Variants in DCAF5 observed in about 807,000 individuals in gnomAD.
The protein encoded by DCAF5 is DDB1 and CUL4 associated factor 5.
In DCAF5, 9 loss-of-function variants were observed where a neutral mutation model predicts 80.7. That is an observed-to-expected ratio of 0.11 (90% CI 0.07 to 0.19). The LOEUF (loss-of-function observed/expected upper bound fraction) is 0.19. Ranked by LOEUF, DCAF5 falls within the 10% of genes least tolerant of loss-of-function variation. The pLI, the probability that DCAF5 is intolerant of heterozygous loss-of-function variation, is 1.00. For synonymous variants in DCAF5, 433 were observed against 461.9 expected, an observed-to-expected ratio of 0.94 and a Z score of 0.80; for missense variants, 842 against 1,205.7, an observed-to-expected ratio of 0.70 and a Z score of 4.47.
chr14:69,085,865 A>G (rs2039296954), intron 6 of DCAF5, among the ~76,000 whole-genome samples: 1 of 152,240 alleles, frequency 6.6e-6, no homozygotes, highest in Non-Finnish European at 1.5e-5. Flanking sequence ...CTTCCTCACC[A>G]GACCATATCA....
intron 5 of DCAF5, among the ~76,000 whole-genome samples, chr14:69,108,545 T>C (rs975055742): frequency 6.6e-6 from 1 of 152,082 alleles, no homozygotes; most frequent in African/African-American, 2.4e-5. Context: ...AAGATGTTTA[T>C]GGCAGAGGGA....
chr14:69,119,375 T>C, intron 2 of DCAF5, 145 bp from the exon 3 acceptor site: 1 of 746,554 alleles, frequency 1.3e-6, no homozygotes, highest in Non-Finnish European at 2.1e-6. Flanking sequence ...GGAAAAAAGA[T>C]TTATAGAAAT....
At chr14:69,141,629 T>C (rs1056067794) in intron 1 of DCAF5, among the ~76,000 whole-genome samples, 1 of 152,114 alleles carries the variant, frequency 6.6e-6, no homozygotes, top group African/African-American at 2.4e-5. Context: ...TGGTCCCAAG[T>C]AAATCAGGAT....
chr14:69,082,628 G>A (rs548340109), intron 6 of DCAF5, among the ~76,000 whole-genome samples: 4 of 152,304 alleles, frequency 2.6e-5, no homozygotes, highest in South Asian at 2.1e-4. Context: ...AGCAAGATGA[G>A]GGGCCATTAA....
intron 1 of DCAF5, chr14:69,143,934 C>T (rs1049686726): frequency 3.9e-5 from 6 of 152,212 alleles, no homozygotes; most frequent in African/African-American, 7.2e-5. Context: ...GTTGTAAGCA[C>T]CACTGCATTC....
At chr14:69,116,524 A>T in intron 4 of DCAF5, 29 bp from the exon 5 acceptor site, 1 of 1,600,720 alleles carries the variant, frequency 6.2e-7, no homozygotes, top group Non-Finnish European at 8.5e-7. Flanking sequence ...TAATCAGTTC[A>T]CTCCAGGTAC....
At chr14:69,137,646 C>T (rs888685307) in intron 1 of DCAF5, among the ~76,000 whole-genome samples, 6 of 152,140 alleles carry the variant, frequency 3.9e-5, no homozygotes, top group Non-Finnish European at 7.4e-5. Flanking sequence ...GAGATGTCAA[C>T]CCTGAGACTA....
rs762498044 is a variant in DCAF5 at position 69,116,368 on chromosome 14, C to G, written c.663G>C (p.Gln221His). 1 of 1,613,006 alleles carries G rather than the reference C, an allele frequency of 6.2e-7. No individual in the cohort carries two copies. Among genetic ancestry groups the G allele is most frequent in the Non-Finnish European group, 8.5e-7 (1 of 1,179,240 alleles). Residue 221 changes from glutamine (Q) to histidine (H), a missense_variant and splice_region_variant, in exon 5 of 9, where the codon CAG becomes CAC. Physicochemically the swap from Gln to His is conservative, Grantham distance 24. Transcript: ENST00000341516. Reference protein sequence around the residue: ...GVGLWDIRKPQSSLLRYGGNL... With the variant: ...GVGLWDIRKPHSSLLRYGGNL... ...ACCTATGAATAAAGGGGGCTCACCTCTGAGGTTTTCGAATGTCCCAGAGTC... is the reference window on the plus strand; with the variant it reads ...ACCTATGAATAAAGGGGGCTCACCTGTGAGGTTTTCGAATGTCCCAGAGTC...
At chr14:69,088,185 T>C (rs1030389736) in intron 6 of DCAF5, among the ~76,000 whole-genome samples, 1 of 152,190 alleles carries the variant, frequency 6.6e-6, no homozygotes, top group African/African-American at 2.4e-5. Context: ...GCTGCCTGTC[T>C]TGCTCCTGTC....
At position 69,052,127 on chromosome 14, in the gene DCAF5, C is replaced by G. The variant is rs2037781296; in HGVS notation, c.*1730G>C. On this transcript the variant is annotated 3_prime_UTR_variant, in exon 9 of 9. Coordinates refer to ENST00000341516, the MANE Select transcript of DCAF5 (RefSeq NM_003861.3). ...TCATCTCCTTCTCAGTGTTTTCATA[C>G]CCCAGCCGCATTACACACACCAGGC... The G allele has an allele frequency of 6.6e-6, 1 of 152,314 alleles. No homozygotes were observed. Among genetic ancestry groups the G allele is most frequent in the Non-Finnish European group, 1.5e-5 (1 of 68,076 alleles). 9.4% of individuals were successfully genotyped at this position (152,314 alleles called of 1,614,324 possible).
intron 1 of DCAF5, among the ~76,000 whole-genome samples, chr14:69,139,550 A>G (rs2041296700): frequency 1.3e-5 from 2 of 151,316 alleles, no homozygotes; most frequent in South Asian, 2.1e-4. Flanking sequence ...ATGGTGCCTC[A>G]TATCTGTAAT....
At chr14:69,084,012 C>T (rs1354073928) in intron 6 of DCAF5, 3 of 781,592 alleles carry the variant, frequency 3.8e-6, no homozygotes, top group Non-Finnish European at 7.1e-6. Context: ...AAGTATCAGA[C>T]CACCTCTGGA....
chr14:69,078,315 T>G lies in DCAF5; in HGVS notation c.880-2904A>C, dbSNP rs118154244. ...TCAACATCACTGATCATTAGGGAAA[T>G]GCAAATCAAAACAATGAGATACCAC... On this transcript the variant is annotated intron_variant, in intron 6 of 8. Transcript: ENST00000341516. Among the ~76,000 whole-genome samples, 1,516 of 152,106 alleles carry G rather than the reference T, an allele frequency of 1.0e-2. 14 individuals carry two copies. Among genetic ancestry groups the G allele is most frequent in the Non-Finnish European group, 0.016 (1,116 of 67,978 alleles).
At chr14:69,066,226 C>T (rs2038435858) in intron 7 of DCAF5, among the ~76,000 whole-genome samples, 1 of 151,970 alleles carries the variant, frequency 6.6e-6, no homozygotes, top group Admixed American at 6.6e-5. Flanking sequence ...CCTCCTCCTC[C>T]TGGGTTCAAG....
chr14:69,115,781 G>A (rs937213002), intron 5 of DCAF5, among the ~76,000 whole-genome samples: 6 of 152,300 alleles, frequency 3.9e-5, no homozygotes, highest in African/African-American at 1.4e-4. Flanking sequence ...AGAAACACAT[G>A]AGGTCCTGAA....
chr14:69,142,408 G>A (rs751003825), intron 1 of DCAF5, among the ~76,000 whole-genome samples: 4 of 152,298 alleles, frequency 2.6e-5, no homozygotes, highest in Non-Finnish European at 1.5e-5. Context: ...GTCCAAGACC[G>A]GAACCAATGG....
intron 7 of DCAF5, among the ~76,000 whole-genome samples, chr14:69,069,382 T>C (rs962281834): frequency 6.6e-6 from 1 of 152,212 alleles, no homozygotes; most frequent in African/African-American, 2.4e-5. Flanking sequence ...CAATCAGCCA[T>C]TCCAGGTGGG....
At chr14:69,100,139 T>C (rs2039899931) in intron 5 of DCAF5, among the ~76,000 whole-genome samples, 1 of 152,240 alleles carries the variant, frequency 6.6e-6, no homozygotes, top group Non-Finnish European at 1.5e-5. Context: ...GATGGATATA[T>C]GGATATCAAT....
At chr14:69,099,924 A>G (rs562379016) in intron 5 of DCAF5, among the ~76,000 whole-genome samples, 9 of 152,222 alleles carry the variant, frequency 5.9e-5, no homozygotes, top group African/African-American at 2.2e-4. Flanking sequence ...GAATAAAATA[A>G]CATTAAAAAA....
Sources: allele counts gnomAD v4.1 joint callset (sites outside exome capture counted in the v4.1 genomes callset), GRCh38; gene constraint gnomAD v4.1.1; transcripts MANE v1.5; gene names NCBI Gene and HGNC (gene_info 2026-07-23, HGNC 2026-07-21).